The following IRS1 variants were observed in gnomAD, a reference collection of about 807,000 sequenced individuals.
The protein encoded by IRS1 is insulin receptor substrate 1.
A neutral mutation model predicts 65.6 loss-of-function variants in IRS1; 34 were observed. The observed-to-expected ratio is 0.52, with a 90% CI of 0.39 to 0.69. The LOEUF (loss-of-function observed/expected upper bound fraction) is 0.69. IRS1 is among the 30% of genes least tolerant of loss of function. The probability of loss-of-function intolerance (pLI) is 0.00; values close to 1 mark genes in which losing one functional copy is unlikely to be tolerated. For missense variants in IRS1, 1,641 were observed against 1,720.2 expected (o/e 0.95, Z 0.81); for synonymous variants, 699 against 683.5 (o/e 1.02, Z -0.35).
At position 226,797,407 on chromosome 2, in the gene IRS1, A is replaced by G. The variant is rs1390504687; in HGVS notation, c.1332T>C (p.Ser444=). ...TGTGGCCCAGGGAATCCGGAGTGAC[A>G]CTGCGGAAGGAACTCCGGAAATCGC... ...SPCDFRSSFR[S]VTPDSLGHTP... Residue 444 remains serine, a synonymous_variant, in exon 1 of 2, where the codon AGT becomes AGC. Transcript: ENST00000305123. The surrounding 1 kb of genome is among the most constrained non-coding windows in gnomAD (Gnocchi z 8.1). 3 of 1,612,488 alleles carry G rather than the reference A, an allele frequency of 1.9e-6. No homozygotes were observed. The highest frequency in any genetic ancestry group is 2.5e-6 in the Non-Finnish European group (3 of 1,179,404).
chr2:226,769,953 G>A (rs1939132940), intron 1 of IRS1, among the ~76,000 whole-genome samples: 1 of 151,992 alleles, frequency 6.6e-6, no homozygotes, highest in African/African-American at 2.4e-5. Flanking sequence ...TCTCCTGTCT[G>A]GTAAGCAGTG....
chr2:226,764,784 G>C (rs1471372446), intron 1 of IRS1, among the ~76,000 whole-genome samples: 1 of 152,216 alleles, frequency 6.6e-6, no homozygotes, highest in African/African-American at 2.4e-5. Flanking sequence ...GTCAAGGTTT[G>C]ATTGCTCATC....
At chr2:226,748,428 CAAAAAAAAAA>C (rs748065097) in intron 1 of IRS1, among the ~76,000 whole-genome samples, 2 of 49,716 alleles carry the variant, frequency 4.0e-5, no homozygotes, top group Non-Finnish European at 8.2e-5. Context: ...GACTCTGTCT[CAAAAAAAAAA>C]AAAAAAAAAA....
chr2:226,739,858 A>G (rs1324858440), intron 1 of IRS1, among the ~76,000 whole-genome samples: 6 of 152,262 alleles, frequency 3.9e-5, no homozygotes, highest in Non-Finnish European at 8.8e-5. Context: ...AGCAATGCCC[A>G]TACTAGGGTC....
intron 1 of IRS1, among the ~76,000 whole-genome samples, chr2:226,778,086 G>C (rs1054885691): frequency 6.6e-6 from 1 of 152,014 alleles, no homozygotes; most frequent in Non-Finnish European, 1.5e-5. Flanking sequence ...ATTAGTTGCA[G>C]TACCAAGGTT....
chr2:226,780,696 T>C (rs1274227141), intron 1 of IRS1, among the ~76,000 whole-genome samples: 1 of 152,170 alleles, frequency 6.6e-6, no homozygotes, highest in African/African-American at 2.4e-5. Flanking sequence ...TTAAGATACA[T>C]AGGAAGTTGC....
intron 1 of IRS1, among the ~76,000 whole-genome samples, chr2:226,743,059 G>T (rs1428456290): frequency 2.0e-5 from 3 of 151,798 alleles, no homozygotes; most frequent in Non-Finnish European, 4.4e-5. Flanking sequence ...GACCATAACA[G>T]CTCCTCCCCT....
chr2:226,754,410 C>T (rs1214308514), intron 1 of IRS1, among the ~76,000 whole-genome samples: 5 of 152,302 alleles, frequency 3.3e-5, no homozygotes, highest in South Asian at 2.1e-4. Context: ...ATTTGTTACA[C>T]GTTAGGCACT....
chr2:226,789,147 T>C (rs1004492358), intron 1 of IRS1, among the ~76,000 whole-genome samples: 4 of 152,194 alleles, frequency 2.6e-5, no homozygotes, highest in Admixed American at 2.6e-4. Context: ...ATATACTAAA[T>C]TACCAACCCA....
rs768720270 is a variant in IRS1, at chr2:226,796,621, G to C, written c.2118C>G (p.His706Gln). 72 of 1,613,840 alleles carry C rather than the reference G, an allele frequency of 4.5e-5. No individual in the cohort carries two copies. The highest frequency in any genetic ancestry group is 1.2e-4 in the Admixed American group (7 of 60,004). The change falls in exon 1 of 2, where the codon CAC becomes CAG. Residue 706 changes from histidine (H) to glutamine (Q), a missense_variant. His to Gln is a conservative substitution (Grantham distance 24). Around this residue, in one of 3 missense-constraint regions of IRS1, gnomAD observed 1,324 missense variants for 1,361.0 expected, o/e 0.97. Coordinates refer to ENST00000305123, the MANE Select transcript of IRS1 (RefSeq NM_005544.3). The part of the protein sequence containing the change: ...GKLWTNGVGG[H>Q]HSHVLPHPKP... The stretch of plus-strand genomic sequence containing the variant: ...TGGGGTGAGGCAAGACATGAGAGTG[G>C]TGGCCCCCTACCCCGTTTGTCCACA...
At chr2:226,780,022 AG>A (rs1465103504) in intron 1 of IRS1, among the ~76,000 whole-genome samples, 6 of 152,218 alleles carry the variant, frequency 3.9e-5, no homozygotes, top group Non-Finnish European at 5.9e-5. Context: ...ACAAAGAGGA[AG>A]AAAAAGGAGG....
In IRS1 at chr2:226,797,801, G is replaced by A. The variant is rs1393539515; in HGVS notation, c.938C>T (p.Pro313Leu). 9 of 1,599,726 alleles carry A rather than the reference G, an allele frequency of 5.6e-6. No individual in the cohort carries two copies. Among genetic ancestry groups the A allele is most frequent in the Admixed American group, 1.7e-5 (1 of 59,692 alleles). The change falls in exon 1 of 2, where the codon CCG becomes CTG. Residue 313 changes from proline (P) to leucine (L), a missense_variant. This residue lies in a region of IRS1 where 1,324 missense variants were observed against 1,361.0 expected (regional missense o/e 0.97). Coordinates refer to ENST00000305123, the MANE Select transcript of IRS1 (RefSeq NM_005544.3). This position sits in a 1 kb window ranked among gnomAD's most constrained non-coding sequence, Gnocchi z 8.1. Reference protein sequence around the residue: ...SRTESITATSPASMVGGKPGS... With the variant: ...SRTESITATSLASMVGGKPGS... The stretch of plus-strand genomic sequence containing the variant: ...TGGCTTCCCGCCCACCATGCTGGCC[G>A]GGGAGGTGGCGGTGATGCTCTCAGT...
At chr2:226,746,976 G>C (rs1938559790) in intron 1 of IRS1, among the ~76,000 whole-genome samples, 1 of 151,856 alleles carries the variant, frequency 6.6e-6, no homozygotes, top group South Asian at 2.1e-4. Flanking sequence ...TTTTAGTAGA[G>C]ACGGGGTTTC....
At chr2:226,774,970 C>G (rs887614916) in intron 1 of IRS1, among the ~76,000 whole-genome samples, 8 of 152,080 alleles carry the variant, frequency 5.3e-5, no homozygotes, top group Admixed American at 4.6e-4. Flanking sequence ...AAGCACAGAG[C>G]ATTTTTTAGG....
At chr2:226,754,895 A>G (rs1938764193) in intron 1 of IRS1, among the ~76,000 whole-genome samples, 1 of 152,346 alleles carries the variant, frequency 6.6e-6, no homozygotes, top group African/African-American at 2.4e-5. Context: ...ATCTCTTATT[A>G]TATGTCCTCC....
At chr2:226,784,827 T>G (rs891981734) in intron 1 of IRS1, among the ~76,000 whole-genome samples, 1 of 152,234 alleles carries the variant, frequency 6.6e-6, no homozygotes. Context: ...TTAGCAAGAA[T>G]AGCAGGGTAC....
At chr2:226,764,529 C>G (rs1003614361) in intron 1 of IRS1, among the ~76,000 whole-genome samples, 9 of 152,078 alleles carry the variant, frequency 5.9e-5, no homozygotes, top group Non-Finnish European at 1.2e-4. Flanking sequence ...GGCAACATAA[C>G]AAGACCCTGT....
intron 1 of IRS1, among the ~76,000 whole-genome samples, chr2:226,791,099 T>C (rs544097429): frequency 1.3e-5 from 2 of 152,304 alleles, no homozygotes; most frequent in African/African-American, 4.8e-5. Context: ...TTCCCAGCTC[T>C]TACCTAGCTC....
Position 226,754,731 on chromosome 2 carries a change from T to C in IRS1, c.*22-18481A>G, listed in dbSNP as rs12105210. On this transcript the variant is annotated intron_variant, in intron 1 of 1. Coordinates refer to ENST00000305123, the MANE Select transcript of IRS1 (RefSeq NM_005544.3). ...AGGGTAAGCTTTGTGTTTACAAAGG[T>C]AATGAGAAATTACATACTGAAATGC... Among the ~76,000 whole-genome samples the C allele has an allele frequency of 4.3e-3, 654 of 152,306 alleles. 3 individuals are homozygous for C. The highest frequency in any genetic ancestry group is 0.015 in the African/African-American group (626 of 41,576).
Sources: allele counts gnomAD v4.1 joint callset (sites outside exome capture counted in the v4.1 genomes callset), GRCh38; gene constraint gnomAD v4.1.1; regional missense constraint gnomAD v4.1.1; non-coding constraint Gnocchi (gnomAD v3.1); transcripts MANE v1.5; gene names NCBI Gene and HGNC (gene_info 2026-07-23, HGNC 2026-07-21).